The following ZNF793 variants were observed in gnomAD, a reference collection of about 807,000 sequenced individuals.
The protein encoded by ZNF793 is zinc finger protein 793.
A neutral mutation model predicts 12.4 loss-of-function variants in ZNF793; 5 were observed. That is an observed-to-expected ratio of 0.40 (90% CI 0.21 to 0.84). The LOEUF (loss-of-function observed/expected upper bound fraction) is 0.84, where lower values mean the gene tolerates loss of function less well. Ranked by LOEUF, ZNF793 falls within the 40% of genes least tolerant of loss-of-function variation. The pLI is 0.35. For missense variants in ZNF793, 456 were observed against 495.0 expected (o/e 0.92, Z 0.75); for synonymous variants, 162 against 172.4 (o/e 0.94, Z 0.47).
chr19:37,527,787 A>G (rs1166716229), intron 5 of ZNF793, among the ~76,000 whole-genome samples: 1 of 152,188 alleles, frequency 6.6e-6, no homozygotes, highest in Non-Finnish European at 1.5e-5. Flanking sequence ...GAAAGCTGTT[A>G]TACTCATTGT....
intron 2 of ZNF793, among the ~76,000 whole-genome samples, chr19:37,515,501 G>A (rs935923470): frequency 6.6e-6 from 1 of 151,916 alleles, no homozygotes; most frequent in Non-Finnish European, 1.5e-5. Context: ...GTAGAGACGG[G>A]GTTTCACCGT....
intron 2 of ZNF793, among the ~76,000 whole-genome samples, chr19:37,515,555 A>G (rs890911153): frequency 1.3e-5 from 2 of 151,918 alleles, no homozygotes; most frequent in African/African-American, 4.8e-5. Flanking sequence ...TGATCCGCCC[A>G]CCTCGGCCTC....
chr19:37,522,055 G>C (rs2042380183), intron 3 of ZNF793, among the ~76,000 whole-genome samples: 1 of 151,864 alleles, frequency 6.6e-6, no homozygotes, highest in Admixed American at 6.6e-5. Context: ...TCAAAACCAG[G>C]CATTTGACAC....
At chr19:37,534,297 C>T (rs532211657) in intron 7 of ZNF793, 2 of 152,252 alleles carry the variant, frequency 1.3e-5, no homozygotes, top group South Asian at 2.1e-4. Flanking sequence ...TCAAAGAACT[C>T]ACCCATTCTG....
intron 5 of ZNF793, among the ~76,000 whole-genome samples, chr19:37,527,531 C>T (rs183736766): frequency 1.3e-5 from 2 of 152,256 alleles, no homozygotes; most frequent in East Asian, 3.9e-4. Context: ...ATTATTATTT[C>T]CATTGAACAG....
intron 5 of ZNF793, among the ~76,000 whole-genome samples, chr19:37,525,471 C>T (rs2042408079): frequency 7.7e-6 from 1 of 129,882 alleles, no homozygotes; most frequent in Non-Finnish European, 1.6e-5. Flanking sequence ...GAGTCTCGCT[C>T]TGTCACTCAG....
At chr19:37,526,237 C>T (rs942503861) in intron 5 of ZNF793, among the ~76,000 whole-genome samples, 6 of 152,112 alleles carry the variant, frequency 3.9e-5, no homozygotes, top group African/African-American at 4.8e-5. Flanking sequence ...TTCAGCCTCC[C>T]GAGTAGCTGG....
rs897892261 is a variant in ZNF793 at position 37,537,092 on chromosome 19, A to G, written c.434A>G (p.Asn145Ser). 6.2e-7 allele frequency: 1 copy of G among 1,613,502 alleles called. No homozygotes were observed. Among genetic ancestry groups the G allele is most frequent in the African/African-American group, 1.3e-5 (1 of 74,918 alleles). ...SPSNWNPCGK[N>S]LNHNLDLIGF... ...AGTAACTGGAACCCTTGTGGAAAGA[A>G]TTTGAACCATAATTTAGACTTGATT... Residue 145 changes from asparagine (N) to serine (S), a missense_variant, in exon 8 of 8, where the codon AAT (asparagine) becomes AGT (serine). Transcript: ENST00000627814.
rs2042550099 is a variant in ZNF793 at position 37,541,231 on chromosome 19, T to G, written c.*3352T>G. ...AATCTTAAAGGAAGAAAATTTGGAT[T>G]AACAGCACAAAAATAAATTCTGGGT... On this transcript the variant is annotated 3_prime_UTR_variant, in exon 8 of 8. Transcript: ENST00000627814. The G allele has an allele frequency of 6.6e-6, 1 of 152,132 alleles. No homozygotes were observed. Among genetic ancestry groups the G allele is most frequent in the Non-Finnish European group, 1.5e-5 (1 of 68,014 alleles). 9.4% of individuals were successfully genotyped at this position (152,132 alleles called of 1,614,324 possible). A position where few individuals can be genotyped will look rare whatever the true frequency, so the allele number is the denominator to read the frequency against.
At position 37,538,754 on chromosome 19, in the gene ZNF793, G is replaced by T. The variant is rs559685641; in HGVS notation, c.*875G>T. Reference sequence around the variant, plus strand: ...AATAACAGCAGAATACAAAATATCTGTGAAGAGACTTAAAGGCATACTCTG... The same window carrying T: ...AATAACAGCAGAATACAAAATATCTTTGAAGAGACTTAAAGGCATACTCTG... On this transcript the variant is annotated 3_prime_UTR_variant, in exon 8 of 8. Transcript: ENST00000627814. 1 of 152,238 alleles carries T rather than the reference G, an allele frequency of 6.6e-6. No individual in the cohort carries two copies. The highest frequency in any genetic ancestry group is 2.4e-5 in the African/African-American group (1 of 41,456). 9.4% of individuals were successfully genotyped at this position (152,238 alleles called of 1,614,324 possible). A position where few individuals can be genotyped will look rare whatever the true frequency, so the allele number is the denominator to read the frequency against.
At chr19:37,532,746 G>A (rs2042472252) in intron 6 of ZNF793, among the ~76,000 whole-genome samples, 1 of 152,040 alleles carries the variant, frequency 6.6e-6, no homozygotes, top group Non-Finnish European at 1.5e-5. Context: ...TTGAACCCGG[G>A]AGGCAGAGGT....
chr19:37,523,154 T>C (rs762558171), intron 4 of ZNF793, among the ~76,000 whole-genome samples: 15 of 152,200 alleles, frequency 9.9e-5, no homozygotes, highest in Non-Finnish European at 2.2e-4. Context: ...CCTGGGTAGC[T>C]GGGACTATAG....
chr19:37,509,298 C>A (rs940191789), intron 2 of ZNF793, among the ~76,000 whole-genome samples: 1 of 152,154 alleles, frequency 6.6e-6, no homozygotes. Context: ...TCCATGTGTA[C>A]ACATTATTAT....
In ZNF793 at chr19:37,520,188, T is replaced by G. The variant is rs899327561; in HGVS notation, c.-271T>G. 6.6e-6 allele frequency: 1 copy of G among 152,476 alleles called. No individual in the cohort carries two copies. The highest frequency in any genetic ancestry group is 6.5e-5 in the Admixed American group (1 of 15,282). The allele number at this position is 152,476 out of a possible 1,614,324, so 9.4% of individuals were successfully genotyped here. A position where few individuals can be genotyped will look rare whatever the true frequency, so the allele number is the denominator to read the frequency against. ...ATGGGATCTGCTTATCTTCAGGTTC[T>G]CTGGGTGCCCTGCAGACCTTTGGAT... On this transcript the variant is annotated 5_prime_UTR_variant, in exon 3 of 8. Transcript: ENST00000627814.
chr19:37,518,090 AG>A (rs1291327022), intron 2 of ZNF793, among the ~76,000 whole-genome samples: 1 of 152,082 alleles, frequency 6.6e-6, no homozygotes, highest in Non-Finnish European at 1.5e-5. Flanking sequence ...TCACAAATGC[AG>A]TTCCAAGTCG....
intron 2 of ZNF793, among the ~76,000 whole-genome samples, chr19:37,519,455 T>C (rs955016782): frequency 6.6e-6 from 1 of 152,112 alleles, no homozygotes; most frequent in Non-Finnish European, 1.5e-5. Context: ...GGGGAAAATA[T>C]CAACAAGTTG....
intron 2 of ZNF793, among the ~76,000 whole-genome samples, chr19:37,517,960 G>A (rs7251097): frequency 0.88 from 134,231 of 152,170 alleles, 59,408 homozygotes; most frequent in African/African-American, 0.95. Flanking sequence ...ATTCCTTTCA[G>A]TCCCTTCACT....
At chr19:37,512,580 TCTGTAATTAAGATTTTG>T (rs1483146506) in intron 2 of ZNF793, among the ~76,000 whole-genome samples, 9 of 133,744 alleles carry the variant, frequency 6.7e-5, no homozygotes, top group Non-Finnish European at 1.4e-4. Context: ...TTCACCCCAT[TCTGTAATTAAGATTTTG>T]CTGTGTGTGT....
intron 5 of ZNF793, 105 bp from the exon 6 acceptor site, chr19:37,532,251 A>G: frequency 7.5e-7 from 1 of 1,327,426 alleles, no homozygotes; most frequent in Non-Finnish European, 1.0e-6. Context: ...TGATCCTCCC[A>G]CCTTGGCCTC....
Sources: allele counts gnomAD v4.1 joint callset (sites outside exome capture counted in the v4.1 genomes callset), GRCh38; gene constraint gnomAD v4.1.1; transcripts MANE v1.5; gene names NCBI Gene and HGNC (gene_info 2026-07-23, HGNC 2026-07-21).